ANKS1B: variants seen among roughly 807,000 people sequenced by gnomAD.
ANKS1B encodes the protein ankyrin repeat and sterile alpha motif domain containing 1B.
In ANKS1B, 36 loss-of-function variants were observed where a neutral mutation model predicts 148.3. That is an observed-to-expected ratio of 0.24 (90% CI 0.19 to 0.32). ANKS1B has a LOEUF of 0.32. ANKS1B is among the 10% of genes least tolerant of loss of function. ANKS1B has a pLI of 1.00. For synonymous variants in ANKS1B, 542 were observed against 560.8 expected (o/e 0.97, Z 0.47); for missense variants, 1,157 against 1,542.6 (o/e 0.75, Z 4.19).
intron 17 of ANKS1B, among the ~76,000 whole-genome samples, chr12:99,019,020 G>A (rs990422757): frequency 6.6e-5 from 10 of 152,172 alleles, no homozygotes; most frequent in Admixed American, 5.2e-4. Context: ...AAACTTGACT[G>A]AATGTAATCA....
chr12:99,449,572 G>T (rs1232379946), intron 10 of ANKS1B, among the ~76,000 whole-genome samples: 1 of 151,996 alleles, frequency 6.6e-6, no homozygotes, highest in African/African-American at 2.4e-5. Context: ...TAAAAGAAAA[G>T]AAAAATAACT....
At chr12:98,852,385 T>A (rs1042519388) in intron 17 of ANKS1B, among the ~76,000 whole-genome samples, 5 of 152,094 alleles carry the variant, frequency 3.3e-5, no homozygotes, top group South Asian at 2.1e-4. Context: ...GAGGTTTTTT[T>A]AAGGATGACT....
chr12:99,864,079 CAAAAA>C (rs11445634), intron 1 of ANKS1B, among the ~76,000 whole-genome samples: 2 of 65,270 alleles, frequency 3.1e-5, no homozygotes, highest in South Asian at 6.4e-4. Context: ...GACTACATCT[CAAAAA>C]AAAAAAAAAA....
intron 10 of ANKS1B, among the ~76,000 whole-genome samples, chr12:99,463,305 G>A (rs1050935114): frequency 8.5e-5 from 13 of 152,114 alleles, no homozygotes; most frequent in African/African-American, 1.4e-4. Context: ...ATTCAAATGC[G>A]GCAGCCAAGA....
intron 3 of ANKS1B, among the ~76,000 whole-genome samples, chr12:99,808,232 C>A (rs1040302197): frequency 4.6e-5 from 7 of 151,766 alleles, no homozygotes; most frequent in Non-Finnish European, 7.4e-5. Flanking sequence ...AGTGTTCAGA[C>A]CCAAACAAAT....
At chr12:98,877,885 A>G (rs2099695472) in intron 17 of ANKS1B, among the ~76,000 whole-genome samples, 9 of 152,186 alleles carry the variant, frequency 5.9e-5, no homozygotes, top group Admixed American at 5.9e-4. Context: ...CTTATTCCAT[A>G]TATATATTTA....
At chr12:99,261,928 TTAAATAACA>T (rs2075968706) in intron 12 of ANKS1B, among the ~76,000 whole-genome samples, 1 of 152,132 alleles carries the variant, frequency 6.6e-6, no homozygotes, top group Admixed American at 6.6e-5. Flanking sequence ...CCCAATTCTC[TTAAATAACA>T]TAAGCTCCTA....
intron 11 of ANKS1B, among the ~76,000 whole-genome samples, chr12:99,435,936 A>G (rs1278535851): frequency 6.6e-6 from 1 of 152,032 alleles, no homozygotes; most frequent in Non-Finnish European, 1.5e-5. Flanking sequence ...ATATTTGTCA[A>G]CGTTGACTGT....
At chr12:99,357,639 G>A (rs2092123486) in intron 12 of ANKS1B, among the ~76,000 whole-genome samples, 1 of 152,022 alleles carries the variant, frequency 6.6e-6, no homozygotes, top group South Asian at 2.1e-4. Context: ...TAATTGCCTT[G>A]GTGGTTTTGC....
intron 14 of ANKS1B, among the ~76,000 whole-genome samples, chr12:99,226,176 C>T (rs943467668): frequency 6.6e-6 from 1 of 152,146 alleles, no homozygotes; most frequent in African/African-American, 2.4e-5. Flanking sequence ...ATACCAGGTG[C>T]AAATGATCTA....
intron 9 of ANKS1B, among the ~76,000 whole-genome samples, chr12:99,526,562 A>G (rs2096928680): frequency 6.6e-6 from 1 of 152,204 alleles, no homozygotes; most frequent in African/African-American, 2.4e-5. Flanking sequence ...ACCAATATCA[A>G]TCGTCTGAGC....
At chr12:99,081,051 T>C (rs1000942313) in intron 16 of ANKS1B, among the ~76,000 whole-genome samples, 12 of 152,184 alleles carry the variant, frequency 7.9e-5, no homozygotes, top group Admixed American at 7.9e-4. Flanking sequence ...GCGAGAAAGA[T>C]GCATTCTATG....
chr12:98,747,781 G>C (rs568519841), intron 26 of ANKS1B, among the ~76,000 whole-genome samples: 2 of 152,308 alleles, frequency 1.3e-5, no homozygotes, highest in African/African-American at 2.4e-5. Context: ...GCCATAAAAA[G>C]AATGAGATCC....
chr12:99,887,227 C>A (rs2092871347), intron 1 of ANKS1B, among the ~76,000 whole-genome samples: 2 of 152,130 alleles, frequency 1.3e-5, no homozygotes, highest in South Asian at 4.1e-4. Context: ...ACCACTGAGC[C>A]ACATGTAGCT....
At chr12:98,904,275 C>T (rs1000247140) in intron 17 of ANKS1B, among the ~76,000 whole-genome samples, 2 of 151,962 alleles carry the variant, frequency 1.3e-5, no homozygotes, top group Non-Finnish European at 2.9e-5. Context: ...AAGAGTGAAA[C>T]AGGAGACTTG....
intron 1 of ANKS1B, among the ~76,000 whole-genome samples, chr12:99,954,248 A>G (rs1490191342): frequency 1.3e-5 from 2 of 152,226 alleles, no homozygotes; most frequent in African/African-American, 4.8e-5. Flanking sequence ...AATAAGAAAA[A>G]GAAAACTAAT....
At chr12:98,979,501 G>A (rs542939743) in intron 17 of ANKS1B, among the ~76,000 whole-genome samples, 1 of 152,010 alleles carries the variant, frequency 6.6e-6, no homozygotes, top group Admixed American at 6.6e-5. Flanking sequence ...TCGATCTCCT[G>A]AACTCGTGAT....
intron 17 of ANKS1B, among the ~76,000 whole-genome samples, chr12:99,012,348 T>A (rs1322028999): frequency 6.6e-6 from 1 of 152,208 alleles, no homozygotes; most frequent in African/African-American, 2.4e-5. Context: ...TCTGTGCTTT[T>A]CCCATTAGGC....
intron 17 of ANKS1B, among the ~76,000 whole-genome samples, chr12:98,918,050 T>C (rs1386735861): frequency 1.3e-5 from 2 of 152,230 alleles, no homozygotes; most frequent in African/African-American, 2.4e-5. Context: ...GATATGAGTA[T>C]ACACAGGCAG....
Sources: allele counts gnomAD v4.1 joint callset (sites outside exome capture counted in the v4.1 genomes callset), GRCh38; gene constraint gnomAD v4.1.1; transcripts MANE v1.5; gene names NCBI Gene and HGNC (gene_info 2026-07-23, HGNC 2026-07-21).